Variants in GSK3B observed in about 807,000 individuals in gnomAD.
The protein encoded by GSK3B is glycogen synthase kinase-3 beta.
In GSK3B, 15 loss-of-function variants were observed where a neutral mutation model predicts 56.4. The observed-to-expected ratio is 0.27, with a 90% CI of 0.18 to 0.41. The LOEUF (loss-of-function observed/expected upper bound fraction) is 0.41, where lower values mean the gene tolerates loss of function less well. Among genes scored for constraint, GSK3B ranks in the 10% least tolerant of loss-of-function variants. The pLI is 1.00. For missense variants in GSK3B, 300 were observed against 513.4 expected (o/e 0.58, Z 4.02); for synonymous variants, 181 against 188.9 (o/e 0.96, Z 0.34).
chr3:119,939,606 G>A (rs902706136), intron 3 of GSK3B, among the ~76,000 whole-genome samples: 2 of 152,006 alleles, frequency 1.3e-5, no homozygotes, highest in African/African-American at 2.4e-5. Context: ...GGGGTGGGGA[G>A]GAAGTAAAGG....
At chr3:119,942,236 A>G (rs1016457583) in intron 3 of GSK3B, among the ~76,000 whole-genome samples, 1 of 152,208 alleles carries the variant, frequency 6.6e-6, no homozygotes, top group Non-Finnish European at 1.5e-5. Flanking sequence ...TTTCTTACAG[A>G]AAACTATTAA....
chr3:120,080,274 G>C (rs1411585554), intron 1 of GSK3B, among the ~76,000 whole-genome samples: 1 of 151,682 alleles, frequency 6.6e-6, no homozygotes, highest in Non-Finnish European at 1.5e-5. Context: ...CTGATAAACA[G>C]AGCAAGATTC....
intron 3 of GSK3B, among the ~76,000 whole-genome samples, chr3:119,935,370 C>T (rs551083685): frequency 2.6e-5 from 4 of 152,038 alleles, no homozygotes; most frequent in Non-Finnish European, 5.9e-5. Context: ...TATTGTCAAC[C>T]TGATCAAGGT....
intron 10 of GSK3B, chr3:119,833,003 T>C (rs1188222181): frequency 6.1e-6 from 6 of 981,738 alleles, no homozygotes; most frequent in Non-Finnish European, 7.3e-6. Flanking sequence ...AAGAGTTGGC[T>C]AGATAATGGA....
chr3:119,887,421 T>C (rs2056447898), intron 7 of GSK3B, among the ~76,000 whole-genome samples: 1 of 151,902 alleles, frequency 6.6e-6, no homozygotes, highest in Non-Finnish European at 1.5e-5. Context: ...GACTTTAAAA[T>C]AGCTATTATA....
chr3:119,944,353 A>G (rs1213532168), intron 3 of GSK3B, among the ~76,000 whole-genome samples: 2 of 152,156 alleles, frequency 1.3e-5, no homozygotes, highest in Non-Finnish European at 2.9e-5. Context: ...CCTAAACGTC[A>G]AAAGAAACCT....
intron 2 of GSK3B, among the ~76,000 whole-genome samples, chr3:119,999,655 GA>G (rs1282280810): frequency 1.3e-5 from 2 of 152,174 alleles, no homozygotes; most frequent in Admixed American, 1.3e-4. Context: ...TGGGCTCGAG[GA>G]ATTTAGAATA....
intron 2 of GSK3B, among the ~76,000 whole-genome samples, chr3:119,998,022 C>T (rs1050343690): frequency 6.6e-6 from 1 of 152,002 alleles, no homozygotes; most frequent in Non-Finnish European, 1.5e-5. Flanking sequence ...ATAGAACAGG[C>T]CCTTTCTCAG....
In GSK3B at chr3:119,905,850, C is replaced by A. The variant is rs200882593; in HGVS notation, c.718G>T (p.Val240Leu). The change falls in exon 7 of 11, where the codon GTA becomes TTA. Residue 240 changes from valine to leucine, a missense_variant and splice_region_variant. Val to Leu is a conservative substitution (Grantham distance 32). This residue lies in a region of GSK3B where 39 missense variants were observed against 154.6 expected (regional missense o/e 0.25). Coordinates refer to ENST00000264235, the MANE Select transcript of GSK3B (RefSeq NM_001146156.2). ...GATDYTSSID[V>L]WSAGCVLAEL... ...GCCAACACACAGCCAGCAGACCATA[C>A]ATCTAAAGAGAAAAGAAAACGAAGC... 1 of 1,566,910 alleles carries A rather than the reference C, an allele frequency of 6.4e-7. No homozygotes were observed.
chr3:120,039,727 C>T (rs2058050394), intron 1 of GSK3B, among the ~76,000 whole-genome samples: 1 of 152,194 alleles, frequency 6.6e-6, no homozygotes, highest in South Asian at 2.1e-4. Context: ...GGGAGTGACA[C>T]AGAGGTAGGG....
intron 4 of GSK3B, 60 bp from the exon 5 acceptor site, chr3:119,916,234 A>C: frequency 7.1e-7 from 1 of 1,404,616 alleles, no homozygotes; most frequent in Admixed American, 1.8e-5. Context: ...CAGAATCCTT[A>C]AGCAGTCAAT....
chr3:120,002,527 C>G (rs965850069), intron 1 of GSK3B, among the ~76,000 whole-genome samples: 5 of 151,972 alleles, frequency 3.3e-5, no homozygotes, highest in Non-Finnish European at 5.9e-5. Flanking sequence ...CTAGCAGAGA[C>G]GCGGTTTCAC....
chr3:119,886,982 C>T (rs1483685055), intron 7 of GSK3B, among the ~76,000 whole-genome samples: 1 of 152,082 alleles, frequency 6.6e-6, no homozygotes, highest in South Asian at 2.1e-4. Flanking sequence ...AACAAACTTG[C>T]ACATGTACCC....
Position 120,093,714 on chromosome 3 carries a change from G to C in GSK3B, c.-280C>G. ...ATTCTTTCCCCTCCCTTTCCTGGGA[G>C]GAGAGAAAAGAGAGGGCAAATCCTA... On this transcript the variant is annotated 5_prime_UTR_variant, in exon 1 of 11. Transcript: ENST00000264235. The C allele has an allele frequency of 3.0e-6, 1 of 336,882 alleles. No individual in the cohort carries two copies. The highest frequency in any genetic ancestry group is 5.4e-6 in the Non-Finnish European group (1 of 185,788). The allele number at this position is 336,882 out of a possible 1,614,324, so 20.9% of individuals were successfully genotyped here.
At chr3:120,086,281 T>C (rs2058462725) in intron 1 of GSK3B, among the ~76,000 whole-genome samples, 1 of 151,402 alleles carries the variant, frequency 6.6e-6, no homozygotes, top group Non-Finnish European at 1.5e-5. Context: ...AGATGGACAA[T>C]GGAAGAAAGA....
chr3:120,007,090 G>T (rs1324209376), intron 1 of GSK3B, among the ~76,000 whole-genome samples: 1 of 152,120 alleles, frequency 6.6e-6, no homozygotes, highest in Non-Finnish European at 1.5e-5. Flanking sequence ...GATCACCACT[G>T]ATCCCACAGA....
At chr3:119,844,107 T>A (rs1230757289) in intron 9 of GSK3B, among the ~76,000 whole-genome samples, 1 of 151,990 alleles carries the variant, frequency 6.6e-6, no homozygotes, top group African/African-American at 2.4e-5. Context: ...CAGAAATAAA[T>A]AAGTTCTTCG....
At chr3:119,887,342 G>A (rs1397192526) in intron 7 of GSK3B, among the ~76,000 whole-genome samples, 2 of 151,610 alleles carry the variant, frequency 1.3e-5, no homozygotes, top group Non-Finnish European at 2.9e-5. Context: ...TATAAGAAGA[G>A]AAAAAATCAA....
intron 9 of GSK3B, among the ~76,000 whole-genome samples, chr3:119,846,103 A>G (rs998314962): frequency 1.4e-4 from 21 of 152,268 alleles, no homozygotes; most frequent in African/African-American, 5.1e-4. Context: ...CATATGCAGA[A>G]GACTGAAACT....
Sources: gnomAD v4.1 joint callset for allele counts (sites outside exome capture counted in the v4.1 genomes callset) on GRCh38, gnomAD v4.1.1 for gene constraint, gnomAD v4.1.1 regional missense constraint, MANE v1.5 for transcripts, NCBI Gene and HGNC (gene_info 2026-07-23, HGNC 2026-07-21) for gene names.